HERC1: variants seen among roughly 807,000 people sequenced by gnomAD.
HERC1 encodes the protein probable E3 ubiquitin-protein ligase HERC1.
In HERC1, 160 loss-of-function variants were observed where a neutral mutation model predicts 554.3. The ratio of observed to expected loss-of-function variants is 0.29; its 90% CI spans 0.25 to 0.33. The LOEUF (loss-of-function observed/expected upper bound fraction) is 0.33. HERC1 is among the 10% of genes least tolerant of loss of function. The probability of loss-of-function intolerance (pLI) is 1.00; values close to 1 mark genes in which losing one functional copy is unlikely to be tolerated. For synonymous variants in HERC1, 2,175 were observed against 2,131.7 expected, an observed-to-expected ratio of 1.02 and a Z score of -0.56; for missense variants, 4,919 against 5,918.5, an observed-to-expected ratio of 0.83 and a Z score of 5.54.
At chr15:63,656,762 AC>A (rs1566979265) in intron 48 of HERC1, among the ~76,000 whole-genome samples, 1 of 152,234 alleles carries the variant, frequency 6.6e-6, no homozygotes. Context: ...TTCTAAAGCT[AC>A]AAGTTAGTTT....
intron 1 of HERC1, among the ~76,000 whole-genome samples, chr15:63,830,974 C>G (rs1389144808): frequency 1.3e-5 from 2 of 152,182 alleles, no homozygotes; most frequent in Non-Finnish European, 1.5e-5. Flanking sequence ...CCTGGCTTTG[C>G]AAACTTCTCT....
At chr15:63,669,917 T>C (rs979763162) in intron 39 of HERC1, among the ~76,000 whole-genome samples, 9 of 152,064 alleles carry the variant, frequency 5.9e-5, no homozygotes, top group African/African-American at 2.2e-4. Context: ...TTCAGCAAAA[T>C]GCCAGCAACA....
chr15:63,730,343 C>T (rs775310703), intron 14 of HERC1, among the ~76,000 whole-genome samples: 13 of 151,750 alleles, frequency 8.6e-5, no homozygotes, highest in Non-Finnish European at 1.3e-4. Context: ...CCTCTAGTCC[C>T]AGCTACTTGG....
At chr15:63,761,586 CA>C (rs11301389) in intron 3 of HERC1, among the ~76,000 whole-genome samples, 80,173 of 119,052 alleles carry the variant, frequency 0.67, 25,529 homozygotes, top group Non-Finnish European at 0.73. Context: ...AAGACTGTCT[CA>C]AAAAAAAAAA....
chr15:63,752,376 C>T (rs1390952253), intron 8 of HERC1: 3 of 152,174 alleles, frequency 2.0e-5, no homozygotes, highest in African/African-American at 4.8e-5. Flanking sequence ...ATAATTATAC[C>T]TGGCTCCTCC....
At chr15:63,728,869 G>A (rs1190649387) in intron 16 of HERC1, among the ~76,000 whole-genome samples, 1 of 141,274 alleles carries the variant, frequency 7.1e-6, no homozygotes, top group African/African-American at 2.6e-5. Context: ...GAAGCCCAAA[G>A]AAAGAATTTC....
At chr15:63,629,935 T>C (rs190290963) in intron 69 of HERC1, among the ~76,000 whole-genome samples, 1 of 148,632 alleles carries the variant, frequency 6.7e-6, no homozygotes, top group East Asian at 1.9e-4. Context: ...CATCAACCTC[T>C]TGAGTCTCTT....
intron 2 of HERC1, among the ~76,000 whole-genome samples, chr15:63,771,150 T>C (rs8041136): frequency 0.15 from 23,132 of 151,240 alleles, 3,888 homozygotes; most frequent in East Asian, 0.89. Flanking sequence ...GTTCACACCA[T>C]TGCACTCCAG....
chr15:63,689,726 A>T (rs1184244958), intron 32 of HERC1, 27 bp from the exon 33 acceptor site: 2 of 1,347,924 alleles, frequency 1.5e-6, no homozygotes, highest in African/African-American at 3.0e-5. Flanking sequence ...AAAAGGATAA[A>T]ATTTGTAAAA....
In HERC1 at chr15:63,645,652, T is replaced by A. The variant is rs1471589993; in HGVS notation, c.10909A>T (p.Thr3637Ser). ...DTLISMKWDP[T>S]GHILMTCAKE... is the part of the protein sequence containing the mutation. ...GCACATGTCATAAGAATATGACCTG[T>A]AGGGTCCCACTTCATGCTAATAAGA... The change falls in exon 56 of 78, where the codon ACA becomes TCA. Residue 3637 changes from threonine (T) to serine (S), a missense_variant. Thr to Ser is a moderately conservative substitution (Grantham distance 58). Around this residue, in one of 11 missense-constraint regions of HERC1, gnomAD observed 1,963 missense variants for 2,228.6 expected, o/e 0.88. Coordinates refer to ENST00000443617, the MANE Select transcript of HERC1 (RefSeq NM_003922.4). 2.5e-6 allele frequency: 4 copies of A among 1,603,060 alleles called. No homozygotes were observed. The Admixed American group carries it at 6.9e-5, about 28-fold the overall frequency.
At chr15:63,743,551 C>T (rs2074916576) in intron 12 of HERC1, among the ~76,000 whole-genome samples, 1 of 151,844 alleles carries the variant, frequency 6.6e-6, no homozygotes. Context: ...GCGTGAGCCA[C>T]CATGCCCAGC....
At chr15:63,778,500 G>C (rs1425403402) in intron 1 of HERC1, among the ~76,000 whole-genome samples, 1 of 152,126 alleles carries the variant, frequency 6.6e-6, no homozygotes, top group Admixed American at 6.6e-5. Flanking sequence ...CAAAAAGGAA[G>C]AGAGAAGCAT....
At chr15:63,623,653 GT>G in intron 73 of HERC1, 71 bp downstream of exon 73, 1 of 1,388,422 alleles carries the variant, frequency 7.2e-7, no homozygotes, top group Non-Finnish European at 1.0e-6. Flanking sequence ...GCCTGGCAGA[GT>G]GATCACTGGA....
intron 48 of HERC1, among the ~76,000 whole-genome samples, chr15:63,657,686 G>C (rs1419765719): frequency 6.6e-6 from 1 of 152,014 alleles, no homozygotes; most frequent in Non-Finnish European, 1.5e-5. Context: ...ACTTGCTTGA[G>C]GAATTTTTGC....
At chr15:63,811,008 T>C (rs1338283912) in intron 1 of HERC1, among the ~76,000 whole-genome samples, 1 of 151,892 alleles carries the variant, frequency 6.6e-6, no homozygotes, top group Non-Finnish European at 1.5e-5. Context: ...GATTATTCAA[T>C]AAAGTTAATG....
chr15:63,712,762 TG>T lies in HERC1; in HGVS notation c.4584+12del. 1 of 1,608,076 alleles carries T rather than the reference TG, an allele frequency of 6.2e-7. No individual in the cohort carries two copies. The highest frequency in any genetic ancestry group is 8.5e-7 in the Non-Finnish European group (1 of 1,177,700). On this transcript the variant is annotated intron_variant, in intron 24 of 77. Coordinates refer to ENST00000443617, the MANE Select transcript of HERC1 (RefSeq NM_003922.4). ...AACAAAAATCTTTCTTTACTGAATC[TG>T]GGTATACCTACCAGTGCGTAACCCT... is the stretch of plus-strand genomic sequence containing the variant.
Position 63,656,231 on chromosome 15 carries a change from C to G in HERC1, c.9727G>C (p.Ala3243Pro), listed in dbSNP as rs2070026555. Residue 3243 changes from alanine to proline, a missense_variant, in exon 49 of 78, where the codon GCT becomes CCT. Ala to Pro is a conservative substitution (Grantham distance 27). This residue lies in a region of HERC1 where 1,963 missense variants were observed against 2,228.6 expected (regional missense o/e 0.88). Coordinates refer to ENST00000443617, the MANE Select transcript of HERC1 (RefSeq NM_003922.4). Reference protein sequence around the residue: ...AGLSTSPSAMASTSERSRGGH... With the variant: ...AGLSTSPSAMPSTSERSRGGH... Reference sequence around the variant, plus strand: ...CCTCGTGATCGTTCTGAGGTGCTAGCCATGGCAGAAGGGCTGGTGGAGAGG... The same window carrying G: ...CCTCGTGATCGTTCTGAGGTGCTAGGCATGGCAGAAGGGCTGGTGGAGAGG... 1.9e-6 allele frequency: 3 copies of G among 1,613,550 alleles called. No homozygotes were observed. The African/African-American group carries it at 4.0e-5, about 22-fold the overall frequency.
At chr15:63,806,091 C>T (rs1291907753) in intron 1 of HERC1, among the ~76,000 whole-genome samples, 1 of 151,986 alleles carries the variant, frequency 6.6e-6, no homozygotes, top group Non-Finnish European at 1.5e-5. Context: ...CTGTTCATTG[C>T]TAAAGCTTAA....
chr15:63,712,483 G>A (rs1443343388), intron 24 of HERC1, among the ~76,000 whole-genome samples: 2 of 152,180 alleles, frequency 1.3e-5, no homozygotes. Flanking sequence ...GGAGAGAGAC[G>A]AGTTCACTTG....
Sources: gnomAD v4.1 joint callset for allele counts (sites outside exome capture counted in the v4.1 genomes callset) on GRCh38, gnomAD v4.1.1 for gene constraint, gnomAD v4.1.1 regional missense constraint, MANE v1.5 for transcripts, NCBI Gene and HGNC (gene_info 2026-07-23, HGNC 2026-07-21) for gene names.